GLI3: variants seen among roughly 807,000 people sequenced by gnomAD.
The protein encoded by GLI3 is transcription activator GLI3.
GLI3 carries 20 observed loss-of-function variants against 100.8 expected under a neutral mutation model. The observed-to-expected ratio is 0.20, with a 90% confidence interval of 0.14 to 0.29. The LOEUF is 0.29. GLI3 is among the 10% of genes least tolerant of loss of function. The pLI, the probability that GLI3 is intolerant of heterozygous loss-of-function variation, is 1.00. For missense variants in GLI3, 2,040 were observed against 2,128.5 expected (o/e 0.96, Z 0.82); for synonymous variants, 938 against 860.5 (o/e 1.09, Z -1.58).
chr7:41,998,137 G>A (rs955183469), intron 10 of GLI3, among the ~76,000 whole-genome samples: 6 of 152,086 alleles, frequency 3.9e-5, no homozygotes, highest in Non-Finnish European at 8.8e-5. Flanking sequence ...GGAAAGAGGC[G>A]GTAAAGGATG....
intron 3 of GLI3, among the ~76,000 whole-genome samples, chr7:42,130,628 C>G (rs1296939824): frequency 6.6e-6 from 1 of 151,938 alleles, no homozygotes; most frequent in Non-Finnish European, 1.5e-5. Flanking sequence ...AGAAGAGACA[C>G]ACAGAAGTAA....
chr7:41,965,942 A>T lies in GLI3; in HGVS notation c.3131T>A (p.Leu1044His). The T allele has an allele frequency of 6.2e-7, 1 of 1,612,504 alleles. No individual in the cohort carries two copies. Among genetic ancestry groups the T allele is most frequent in the African/African-American group, 1.3e-5 (1 of 74,984 alleles). ...GGGCCGCGTGTAATTCTGAAGCACG[A>T]GACTGCGCTTCTCCGCGGACGTGGC... is the stretch of plus-strand genomic sequence containing the variant. ...AMATSAEKRSLVLQNYTRPEG... is the reference protein window; with the variant it reads ...AMATSAEKRSHVLQNYTRPEG... The change falls in exon 15 of 15, where the codon CTC becomes CAC. Residue 1044 changes from leucine (L) to histidine (H), a missense_variant. By Grantham distance (99) the Leu-to-His change is moderately conservative (BLOSUM62 -3). Coordinates refer to ENST00000395925, the MANE Select transcript of GLI3 (RefSeq NM_000168.6).
rs564265198 is a variant in GLI3, at chr7:41,981,418, C to T, written c.1498-2670G>A. Among the ~76,000 whole-genome samples, 7 of 152,314 alleles carry T rather than the reference C, an allele frequency of 4.6e-5. No homozygotes were observed. In the South Asian group the frequency reaches 1.5e-3, roughly 32 times the overall value. ...GGGGAAAGCCAGGCTTGCATGTCTG[C>T]CCCTGAAGAGGAGGGCATCAGGGAA... On this transcript the variant is annotated intron_variant, in intron 10 of 14. Coordinates refer to ENST00000395925, the MANE Select transcript of GLI3 (RefSeq NM_000168.6).
At chr7:41,980,265 C>CA (rs779571954) in intron 10 of GLI3, among the ~76,000 whole-genome samples, 74 of 152,308 alleles carry the variant, frequency 4.9e-4, no homozygotes, top group Non-Finnish European at 8.2e-4. Flanking sequence ...AGCCATGCTC[C>CA]ATGTCAGTGT....
chr7:42,093,302 C>A (rs1037219664), intron 3 of GLI3, among the ~76,000 whole-genome samples: 1 of 150,902 alleles, frequency 6.6e-6, no homozygotes, highest in Non-Finnish European at 1.5e-5. Context: ...TCACTTGAAC[C>A]CGGGAGGCGG....
At chr7:42,070,516 C>T (rs145528630) in intron 4 of GLI3, among the ~76,000 whole-genome samples, 226 of 152,304 alleles carry the variant, frequency 1.5e-3, no homozygotes, top group African/African-American at 5.1e-3. Context: ...CTCAAGGGCA[C>T]TACCTACTTG....
intron 6 of GLI3, among the ~76,000 whole-genome samples, chr7:42,042,791 C>T (rs1784171604): frequency 6.6e-6 from 1 of 152,160 alleles, no homozygotes; most frequent in Non-Finnish European, 1.5e-5. Flanking sequence ...GTGTTTTTCC[C>T]TCCAAGACTG....
At chr7:41,990,268 G>A (rs1787946851) in intron 10 of GLI3, among the ~76,000 whole-genome samples, 1 of 152,078 alleles carries the variant, frequency 6.6e-6, no homozygotes, top group Admixed American at 6.6e-5. Flanking sequence ...GTATCTAGAA[G>A]TACACAGAAC....
intron 2 of GLI3, among the ~76,000 whole-genome samples, chr7:42,199,938 C>T (rs2128692242): frequency 1.3e-5 from 2 of 152,240 alleles, no homozygotes; most frequent in Middle Eastern, 3.4e-3. Flanking sequence ...CACCTGCAGT[C>T]CCAGCTACTA....
chr7:42,135,214 A>G (rs1786397530), intron 3 of GLI3, among the ~76,000 whole-genome samples: 1 of 152,172 alleles, frequency 6.6e-6, no homozygotes, highest in South Asian at 2.1e-4. Flanking sequence ...TGTGGAGCTC[A>G]ATTAATGTTG....
At position 41,965,222 on chromosome 7, in the gene GLI3, G is replaced by A. The variant is rs1345171343; in HGVS notation, c.3851C>T (p.Thr1284Ile). 1 of 1,613,808 alleles carries A rather than the reference G, an allele frequency of 6.2e-7. No homozygotes were observed. Among genetic ancestry groups the A allele is most frequent in the Admixed American group, 1.7e-5 (1 of 60,012 alleles). ...CTGGCCCCCGCTCCCTTGCATGGGG[G>A]TGCTCTTCAGCTTTGAGGCTTGAAT... ...AGIQASKLKSTPMQGSGGQLN... is the reference protein window; with the variant it reads ...AGIQASKLKSIPMQGSGGQLN... The change falls in exon 15 of 15, where the codon ACC (threonine) becomes ATC (isoleucine). Residue 1284 changes from threonine (T) to isoleucine (I), a missense_variant. Physicochemically the swap from Thr to Ile is moderately conservative, Grantham distance 89. This residue lies in a region of GLI3 where 1,041 missense variants were observed against 924.0 expected (regional missense o/e 1.13). Transcript: ENST00000395925.
intron 10 of GLI3, among the ~76,000 whole-genome samples, chr7:42,020,783 G>C (rs574823314): frequency 1.3e-5 from 2 of 151,804 alleles, no homozygotes; most frequent in Admixed American, 6.6e-5. Flanking sequence ...CCAGCTACTC[G>C]GGAGGCTGAG....
chr7:42,195,260 A>T (rs1787907452), intron 2 of GLI3, among the ~76,000 whole-genome samples: 1 of 152,224 alleles, frequency 6.6e-6, no homozygotes, highest in Non-Finnish European at 1.5e-5. Flanking sequence ...GAACACTGTC[A>T]TGTCTGCCTT....
At chr7:42,258,358 G>T (rs1034770055) in intron 1 of GLI3, among the ~76,000 whole-genome samples, 1 of 152,020 alleles carries the variant, frequency 6.6e-6, no homozygotes, top group Admixed American at 6.5e-5. Flanking sequence ...TGTCTTTTTT[G>T]TTGTTGATAA....
chr7:42,037,495 A>T (rs756715023), intron 7 of GLI3, among the ~76,000 whole-genome samples: 28 of 152,228 alleles, frequency 1.8e-4, no homozygotes, highest in Non-Finnish European at 3.5e-4. Flanking sequence ...AACAATTATT[A>T]TCATCATTAT....
chr7:42,111,150 A>G (rs1288968363), intron 3 of GLI3, among the ~76,000 whole-genome samples: 1 of 152,256 alleles, frequency 6.6e-6, no homozygotes, highest in Non-Finnish European at 1.5e-5. Context: ...AACAACTTGC[A>G]TAGTCTATCA....
At chr7:42,010,104 C>T (rs1467042090) in intron 10 of GLI3, among the ~76,000 whole-genome samples, 2 of 152,128 alleles carry the variant, frequency 1.3e-5, no homozygotes, top group African/African-American at 4.8e-5. Context: ...TGGAATGATC[C>T]TCAACTGACT....
intron 2 of GLI3, among the ~76,000 whole-genome samples, chr7:42,186,796 A>AT (rs34338044): frequency 0.15 from 22,112 of 152,316 alleles, 2,093 homozygotes; most frequent in Non-Finnish European, 0.22. Flanking sequence ...ATCAACTTTT[A>AT]TAAACCACCA....
chr7:42,214,325 C>G (rs1788330226), intron 2 of GLI3, among the ~76,000 whole-genome samples: 1 of 151,948 alleles, frequency 6.6e-6, no homozygotes, highest in Non-Finnish European at 1.5e-5. Context: ...ACAGTCAGAC[C>G]TTTTCAACTG....
Sources: gnomAD v4.1 joint callset for allele counts (sites outside exome capture counted in the v4.1 genomes callset) on GRCh38, gnomAD v4.1.1 for gene constraint, gnomAD v4.1.1 regional missense constraint, MANE v1.5 for transcripts, NCBI Gene and HGNC (gene_info 2026-07-23, HGNC 2026-07-21) for gene names.